The following PCDH15 variants were observed in gnomAD, a reference collection of about 807,000 sequenced individuals.
PCDH15 encodes protocadherin-15.
Under a neutral mutation model 178.5 loss-of-function variants are expected in PCDH15, and 129 were observed. The ratio of observed to expected loss-of-function variants is 0.72; its 90% CI spans 0.63 to 0.84. The LOEUF is 0.84. Among genes scored for constraint, PCDH15 ranks in the 40% least tolerant of loss-of-function variants. The probability of loss-of-function intolerance (pLI) is 0.00; values close to 1 mark genes in which losing one functional copy is unlikely to be tolerated. For missense variants in PCDH15, 2,230 were observed against 2,099.9 expected (o/e 1.06, Z -1.21); for synonymous variants, 800 against 732.0 (o/e 1.09, Z -1.50).
At chr10:53,944,292 T>C (rs1175630426) in intron 23 of PCDH15, among the ~76,000 whole-genome samples, 2 of 152,180 alleles carry the variant, frequency 1.3e-5, no homozygotes, top group Non-Finnish European at 2.9e-5. Context: ...GCTGTCAGTT[T>C]ACGATTTTTA....
In PCDH15 at chr10:54,291,284, G is replaced by T. The variant is rs1174456032; in HGVS notation, c.876+25987C>A. 2.6e-5 allele frequency among the ~76,000 whole-genome samples: 4 copies of T among 152,156 alleles called. No homozygotes were observed. In the East Asian group the frequency reaches 7.7e-4, roughly 29 times the overall value. On this transcript the variant is annotated intron_variant, in intron 8 of 37. Coordinates refer to ENST00000644397, the MANE Select transcript of PCDH15 (RefSeq NM_001384140.1). The stretch of plus-strand genomic sequence containing the variant: ...GTTCTTTGAAACCAGTGAGAGAAAA[G>T]ACACAACATTCCAGAATCTCTGGGA...
intron 1 of PCDH15, among the ~76,000 whole-genome samples, chr10:54,788,030 G>A (rs190751225): frequency 1.1e-4 from 17 of 151,864 alleles, no homozygotes; most frequent in African/African-American, 3.6e-4. Flanking sequence ...AAGAAGAGAG[G>A]CACAGGAAGG....
chr10:55,590,867 T>C (rs1253147129), intron 2 of PCDH15, among the ~76,000 whole-genome samples: 1 of 152,154 alleles, frequency 6.6e-6, no homozygotes, highest in African/African-American at 2.4e-5. Context: ...TTGTTATACA[T>C]AGAAGTAAGC....
intron 2 of PCDH15, among the ~76,000 whole-genome samples, chr10:54,620,635 T>C (rs2093323917): frequency 1.3e-5 from 2 of 152,098 alleles, no homozygotes; most frequent in Non-Finnish European, 2.9e-5. Flanking sequence ...TTGTGATAGA[T>C]ACCACTGAGA....
At chr10:54,039,524 T>G (rs1249627635) in intron 18 of PCDH15, among the ~76,000 whole-genome samples, 1 of 151,984 alleles carries the variant, frequency 6.6e-6, no homozygotes, top group Non-Finnish European at 1.5e-5. Flanking sequence ...CAAGCTAGTC[T>G]GACATGATAT....
intron 26 of PCDH15, among the ~76,000 whole-genome samples, chr10:53,877,572 T>G (rs527860402): frequency 2.0e-5 from 3 of 152,198 alleles, no homozygotes; most frequent in African/African-American, 7.2e-5. Flanking sequence ...AACTTCCTGA[T>G]TTTTCCTTAG....
intron 3 of PCDH15, among the ~76,000 whole-genome samples, chr10:54,502,274 C>T (rs2080765641): frequency 1.3e-5 from 2 of 152,054 alleles, no homozygotes; most frequent in Non-Finnish European, 2.9e-5. Flanking sequence ...TAATATAATG[C>T]TTGGCACATA....
intron 20 of PCDH15, among the ~76,000 whole-genome samples, chr10:54,011,110 A>C (rs1410423650): frequency 6.9e-6 from 1 of 145,170 alleles, no homozygotes; most frequent in African/African-American, 2.4e-5. Flanking sequence ...CAGTGCAGCC[A>C]CCCCACTCCC....
At chr10:55,199,373 T>A (rs1840179009) in intron 1 of PCDH15, among the ~76,000 whole-genome samples, 1 of 152,082 alleles carries the variant, frequency 6.6e-6, no homozygotes, top group South Asian at 2.1e-4. Context: ...ATTTAGGGTA[T>A]CTGGCAGAAG....
At chr10:54,398,677 C>A (rs1221423858) in intron 3 of PCDH15, among the ~76,000 whole-genome samples, 1 of 151,812 alleles carries the variant, frequency 6.6e-6, no homozygotes, top group Non-Finnish European at 1.5e-5. Context: ...ACAAAAAAAA[C>A]TGATATTAGA....
At chr10:54,899,043 G>T (rs1279892112) in intron 2 of PCDH15, among the ~76,000 whole-genome samples, 1 of 152,042 alleles carries the variant, frequency 6.6e-6, no homozygotes, top group African/African-American at 2.4e-5. Context: ...TAACAAGCCT[G>T]GAATTGGAAG....
chr10:54,399,128 T>C (rs1165923356), intron 3 of PCDH15, among the ~76,000 whole-genome samples: 5 of 152,070 alleles, frequency 3.3e-5, no homozygotes, highest in Admixed American at 3.3e-4. Context: ...GAAACCATTT[T>C]GAATACATAA....
intron 2 of PCDH15, among the ~76,000 whole-genome samples, chr10:55,062,863 C>T (rs975383223): frequency 6.6e-6 from 1 of 152,052 alleles, no homozygotes; most frequent in Non-Finnish European, 1.5e-5. Flanking sequence ...ATCTCTGTAC[C>T]TTCCTCTCAA....
At chr10:53,916,333 C>A (rs2083527122) in intron 25 of PCDH15, among the ~76,000 whole-genome samples, 2 of 152,070 alleles carry the variant, frequency 1.3e-5, no homozygotes, top group African/African-American at 2.4e-5. Flanking sequence ...GGTTTTGAAT[C>A]CATTTTAACA....
chr10:54,688,209 G>C (rs978498007), intron 1 of PCDH15, among the ~76,000 whole-genome samples: 5 of 151,992 alleles, frequency 3.3e-5, no homozygotes, highest in African/African-American at 1.2e-4. Flanking sequence ...TAGAATAATG[G>C]GAGTGGTAAA....
intron 15 of PCDH15, among the ~76,000 whole-genome samples, chr10:54,112,825 A>G (rs1167269227): frequency 6.6e-6 from 1 of 152,210 alleles, no homozygotes; most frequent in Admixed American, 6.5e-5. Flanking sequence ...TCTTGGGGAT[A>G]TGAAACCTGG....
At chr10:55,384,894 C>T (rs906407395) in intron 2 of PCDH15, among the ~76,000 whole-genome samples, 24 of 151,920 alleles carry the variant, frequency 1.6e-4, no homozygotes, top group African/African-American at 5.8e-4. Context: ...CTAACAAGCA[C>T]AATTGAAAGC....
In PCDH15 at chr10:53,911,618, T is replaced by C. The variant is rs145123147; in HGVS notation, c.3374-8248A>G. On this transcript the variant is annotated intron_variant, in intron 25 of 37. Coordinates refer to ENST00000644397, the MANE Select transcript of PCDH15 (RefSeq NM_001384140.1). ...GAAATCAGAGCAGAACTGAAGGAGA[T>C]AGAAACACAAAGAACCCTTCAAAAA... 5.8e-3 allele frequency among the ~76,000 whole-genome samples: 880 copies of C among 152,148 alleles called. 7 individuals are homozygous for C. Among genetic ancestry groups the C allele is most frequent in the Non-Finnish European group, 7.5e-3 (511 of 67,986 alleles).
At chr10:55,284,972 T>G (rs1432906432) in intron 1 of PCDH15, among the ~76,000 whole-genome samples, 1 of 151,698 alleles carries the variant, frequency 6.6e-6, no homozygotes, top group African/African-American at 2.4e-5. Context: ...ATTCTGGTTT[T>G]GAAGAAAAAA....
Sources: gnomAD v4.1 joint callset for allele counts (sites outside exome capture counted in the v4.1 genomes callset) on GRCh38, gnomAD v4.1.1 for gene constraint, MANE v1.5 for transcripts, NCBI Gene and HGNC (gene_info 2026-07-23, HGNC 2026-07-21) for gene names.